The following DRG2 variants were observed in gnomAD, a reference collection of about 807,000 sequenced individuals.
DRG2 encodes the protein developmentally-regulated GTP-binding protein 2.
Under a neutral mutation model 53.4 loss-of-function variants are expected in DRG2, and 36 were observed. The ratio of observed to expected loss-of-function variants is 0.67; its 90% CI spans 0.52 to 0.89. DRG2 has a LOEUF of 0.89. DRG2 is among the 40% of genes least tolerant of loss of function. The probability of loss-of-function intolerance (pLI) is 0.00; values close to 1 mark genes in which losing one functional copy is unlikely to be tolerated. For missense variants in DRG2, 342 were observed against 481.2 expected, an observed-to-expected ratio of 0.71 and a Z score of 2.71; for synonymous variants, 167 against 192.1, an observed-to-expected ratio of 0.87 and a Z score of 1.08.
Position 18,090,373 on chromosome 17 carries a change from TATATA to T in DRG2, c.64+2287_64+2291del, listed in dbSNP as rs1567597866. On this transcript the variant is annotated intron_variant, in intron 1 of 12. Transcript: ENST00000225729. ...CACCACCACACCGGGCTAATTTATA[TATATA>T]TATATATATATATATATATATATAT... 2.5e-3 allele frequency among the ~76,000 whole-genome samples: 27 copies of T among 10,860 alleles called. 2 individuals are homozygous for T. Among genetic ancestry groups the T allele is most frequent in the Non-Finnish European group, 2.7e-3 (18 of 6,792 alleles). 7.1% of individuals were successfully genotyped at this position (10,860 alleles called of 152,430 possible).
chr17:18,101,480 C>A lies in DRG2; in HGVS notation c.632-13C>A. ...AGCTGGTGCACAGGTTGCCCTTAAT[C>A]GGAGCCCCTCAGAGATCTTCAATGC... On this transcript the variant is annotated splice_polypyrimidine_tract_variant and intron_variant, in intron 7 of 12. Transcript: ENST00000225729. 6.2e-7 allele frequency: 1 copy of A among 1,613,262 alleles called. No individual in the cohort carries two copies. The highest frequency in any genetic ancestry group is 8.5e-7 in the Non-Finnish European group (1 of 1,179,586).
intron 1 of DRG2, among the ~76,000 whole-genome samples, chr17:18,090,609 A>C (rs2045317635): frequency 6.6e-6 from 1 of 151,328 alleles, no homozygotes; most frequent in East Asian, 1.9e-4. Flanking sequence ...CATGTTGGTC[A>C]GGCTGGTTTC....
intron 2 of DRG2, chr17:18,096,927 A>C (rs2045443627): frequency 6.6e-6 from 1 of 152,158 alleles, no homozygotes; most frequent in Non-Finnish European, 1.5e-5. Flanking sequence ...CAGGCTGGGC[A>C]GTGTTTAGTT....
At chr17:18,097,924 C>A in intron 2 of DRG2, 1 of 183,382 alleles carries the variant, frequency 5.5e-6, no homozygotes, top group Non-Finnish European at 1.1e-5. Context: ...GGGACTGCCA[C>A]CTGCTTAAAG....
intron 8 of DRG2, 45 bp from the exon 9 acceptor site, chr17:18,101,875 GC>G (rs778524478): frequency 3.8e-6 from 6 of 1,577,308 alleles, no homozygotes; most frequent in Non-Finnish European, 5.2e-6. Flanking sequence ...TTTCCTGGAT[GC>G]CTTGCTCCTG....
Position 18,104,603 on chromosome 17 carries a change from C to T in DRG2, c.896-20C>T. On this transcript the variant is annotated intron_variant, in intron 10 of 12. Coordinates refer to ENST00000225729, the MANE Select transcript of DRG2 (RefSeq NM_001388.5). ...TGGGCCCTGATGTGTGGCTGACGTT[C>T]TCCCCATCCTGCCCTGCAGAGAGGC... 6.2e-7 allele frequency: 1 copy of T among 1,613,810 alleles called. No individual in the cohort carries two copies.
Position 18,098,470 on chromosome 17 carries a change from G to GA in DRG2, c.315+111_315+112insA. 9.3e-6 allele frequency: 9 copies of GA among 971,164 alleles called. No individual in the cohort carries two copies. The highest frequency in any genetic ancestry group is 1.5e-5 in the Non-Finnish European group (9 of 614,914). The allele number at this position is 971,164 out of a possible 1,614,324, so 60.2% of individuals were successfully genotyped here. A position where few individuals can be genotyped will look rare whatever the true frequency, so the allele number is the denominator to read the frequency against. The stretch of plus-strand genomic sequence containing the variant: ...GGGTGGATGTCCCCATGTCAGGACA[G>GA]GCTCTGGACTGAGCTGCTTTGCCCT... On this transcript the variant is annotated intron_variant, in intron 3 of 12. Transcript: ENST00000225729. The surrounding 1 kb of genome is among the most constrained non-coding windows in gnomAD (Gnocchi z 4.1).
intron 10 of DRG2, 50 bp from the exon 11 acceptor site, chr17:18,104,573 C>T (rs777674090): frequency 2.5e-6 from 4 of 1,612,304 alleles, no homozygotes; most frequent in Non-Finnish European, 3.4e-6. Flanking sequence ...CACAAGATGG[C>T]AGTGTGGGCC....
intron 1 of DRG2, among the ~76,000 whole-genome samples, chr17:18,092,848 G>A (rs545412004): frequency 6.6e-6 from 1 of 152,310 alleles, no homozygotes; most frequent in East Asian, 1.9e-4. Context: ...TGGCCACTGA[G>A]TTACACCCCA....
intron 9 of DRG2, among the ~76,000 whole-genome samples, chr17:18,102,567 G>A (rs1356587213): frequency 1.3e-5 from 2 of 148,782 alleles, no homozygotes; most frequent in Non-Finnish European, 3.0e-5. Context: ...GTTGCAGTGA[G>A]CCGAGATCAT....
intron 1 of DRG2, chr17:18,091,935 C>T (rs375578778): frequency 6.6e-6 from 1 of 152,196 alleles, no homozygotes. Flanking sequence ...AACTGATGCA[C>T]AAGAAGACTA....
intron 2 of DRG2, chr17:18,096,338 G>C (rs181448289): frequency 6.6e-6 from 1 of 152,270 alleles, no homozygotes; most frequent in East Asian, 1.9e-4. Context: ...TGGGAGATTT[G>C]TCTCTCTTCT....
At position 18,104,556 on chromosome 17, in the gene DRG2, G is replaced by A. The variant is rs773015030; in HGVS notation, c.896-67G>A. The A allele has an allele frequency of 1.2e-5, 20 of 1,609,260 alleles. 1 individual carries two copies. The highest frequency in any genetic ancestry group is 3.3e-5 in the South Asian group (3 of 90,750). ...CCTCTGTGGCCAGCTCTTCCCTCGC[G>A]CAGAATCACAAGATGGCAGTGTGGG... On this transcript the variant is annotated intron_variant, in intron 10 of 12. Transcript: ENST00000225729.
chr17:18,089,020 G>T (rs529156358), intron 1 of DRG2, among the ~76,000 whole-genome samples: 2 of 152,338 alleles, frequency 1.3e-5, no homozygotes, highest in South Asian at 4.1e-4. Flanking sequence ...ATTCAGGCTT[G>T]TGGGAGCAGG....
chr17:18,103,117 C>G lies in DRG2; in HGVS notation c.807-684C>G, dbSNP rs2045568565. Among the ~76,000 whole-genome samples the G allele has an allele frequency of 6.6e-6, 1 of 152,158 alleles. No homozygotes were observed. The highest frequency in any genetic ancestry group is 6.5e-5 in the Admixed American group (1 of 15,278). Reference sequence around the variant, plus strand: ...ACAGCACAGCCTCAGGTCCTCTCCTCCTGCTGTGTCCCAGGCCTTTGAGGG... The same window carrying G: ...ACAGCACAGCCTCAGGTCCTCTCCTGCTGCTGTGTCCCAGGCCTTTGAGGG... On this transcript the variant is annotated intron_variant, in intron 9 of 12. Coordinates refer to ENST00000225729, the MANE Select transcript of DRG2 (RefSeq NM_001388.5). This position sits in a 1 kb window ranked among gnomAD's most constrained non-coding sequence, Gnocchi z 4.4.
chr17:18,100,974 TG>T lies in DRG2; in HGVS notation c.631+319del, dbSNP rs1207771752. Among the ~76,000 whole-genome samples the T allele has an allele frequency of 6.6e-6, 1 of 152,044 alleles. No individual in the cohort carries two copies. The highest frequency in any genetic ancestry group is 1.5e-5 in the Non-Finnish European group (1 of 67,984). On this transcript the variant is annotated intron_variant, in intron 7 of 12. Transcript: ENST00000225729. This position sits in a 1 kb window ranked among gnomAD's most constrained non-coding sequence, Gnocchi z 4.1. Reference sequence around the variant, plus strand: ...AGCCTGGAGAAGCCCCAGGGAGAGCTGGGGAATGGGTGGTGCCTCTAAAGTA... The same window carrying T: ...AGCCTGGAGAAGCCCCAGGGAGAGCTGGGAATGGGTGGTGCCTCTAAAGTA...
chr17:18,103,965 C>T lies in DRG2; in HGVS notation c.895+76C>T. ...AGGCTGCCAGGCCGGTGTGTGGTGCCCAGAGACCCCAGCACCGGCTCTGGC... is the reference window on the plus strand; with the variant it reads ...AGGCTGCCAGGCCGGTGTGTGGTGCTCAGAGACCCCAGCACCGGCTCTGGC... On this transcript the variant is annotated intron_variant, in intron 10 of 12. Coordinates refer to ENST00000225729, the MANE Select transcript of DRG2 (RefSeq NM_001388.5). This position sits in a 1 kb window ranked among gnomAD's most constrained non-coding sequence, Gnocchi z 4.4. 1 of 1,398,568 alleles carries T rather than the reference C, an allele frequency of 7.2e-7. No individual in the cohort carries two copies. Among genetic ancestry groups the T allele is most frequent in the Non-Finnish European group, 1.0e-6 (1 of 987,266 alleles). The allele number at this position is 1,398,568 out of a possible 1,614,324, so 86.6% of individuals were successfully genotyped here. A position where few individuals can be genotyped will look rare whatever the true frequency, so the allele number is the denominator to read the frequency against.
At chr17:18,096,496 T>C (rs375248610) in intron 2 of DRG2, 1 of 152,276 alleles carries the variant, frequency 6.6e-6, no homozygotes, top group South Asian at 2.1e-4. Flanking sequence ...GCTTCTTTGA[T>C]GTACTTCCAC....
chr17:18,090,473 ATGGTGCAATC>A (rs1296098072), intron 1 of DRG2, among the ~76,000 whole-genome samples: 1 of 124,842 alleles, frequency 8.0e-6, no homozygotes, highest in Non-Finnish European at 1.6e-5. Context: ...CTGGAGTGCA[ATGGTGCAATC>A]TCGGCTCACC....
Sources: allele counts gnomAD v4.1 joint callset (sites outside exome capture counted in the v4.1 genomes callset), GRCh38; gene constraint gnomAD v4.1.1; non-coding constraint Gnocchi (gnomAD v3.1); transcripts MANE v1.5; gene names NCBI Gene and HGNC (gene_info 2026-07-23, HGNC 2026-07-21).